Variants in NYAP2 observed in about 807,000 individuals in gnomAD.
NYAP2 encodes neuronal tyrosine-phosphorylated phosphoinositide-3-kinase adaptor 2.
NYAP2 carries 23 observed loss-of-function variants against 50.4 expected under a neutral mutation model. The observed-to-expected ratio is 0.46, with a 90% CI of 0.33 to 0.65. The LOEUF (loss-of-function observed/expected upper bound fraction) is 0.65, where lower values mean the gene tolerates loss of function less well. Ranked by LOEUF, NYAP2 falls within the 30% of genes least tolerant of loss-of-function variation. NYAP2 has a pLI of 0.02. For missense variants in NYAP2, 885 were observed against 861.0 expected (o/e 1.03, Z -0.35); for synonymous variants, 394 against 365.2 (o/e 1.08, Z -0.90).
intron 3 of NYAP2, among the ~76,000 whole-genome samples, chr2:225,410,140 A>T (rs1459399151): frequency 6.6e-6 from 1 of 152,136 alleles, no homozygotes; most frequent in Non-Finnish European, 1.5e-5. Flanking sequence ...TTAATTAAAA[A>T]TAACTTTATG....
At chr2:225,466,815 C>T (rs532120586) in intron 3 of NYAP2, among the ~76,000 whole-genome samples, 71 of 152,270 alleles carry the variant, frequency 4.7e-4, no homozygotes, top group Middle Eastern at 6.8e-3. Flanking sequence ...CCATACAGGC[C>T]TGCGGCAACC....
chr2:225,479,036 T>A (rs928979124), intron 3 of NYAP2, among the ~76,000 whole-genome samples: 1 of 152,174 alleles, frequency 6.6e-6, no homozygotes, highest in East Asian at 1.9e-4. Context: ...GTTTTAAAAT[T>A]GTACTAGCAG....
chr2:225,552,124 T>C (rs1305357085), intron 4 of NYAP2, among the ~76,000 whole-genome samples: 10 of 152,154 alleles, frequency 6.6e-5, no homozygotes, highest in East Asian at 1.9e-4. Context: ...TTCTTTCTTT[T>C]TGATTCATTG....
chr2:225,597,512 A>AAT, intron 5 of NYAP2, among the ~76,000 whole-genome samples: 1,441 of 46,222 alleles, frequency 0.031, 360 homozygotes, highest in African/African-American at 0.051. Context: ...TCCAAGGAGA[A>AAT]ATATATATAT....
the NYAP2 span, chr2:225,699,077 G>A: frequency 6.6e-6 from 1 of 151,872 alleles, no homozygotes; most frequent in East Asian, 1.9e-4. Context: ...TGCTTTTTAA[G>A]TTTCAAGGGT....
chr2:225,407,772 G>A (rs1416699599), intron 2 of NYAP2, among the ~76,000 whole-genome samples: 2 of 151,930 alleles, frequency 1.3e-5, no homozygotes, highest in Middle Eastern at 6.8e-3. Context: ...TTTGCTTTTG[G>A]TTTTTTAATC....
chr2:225,665,807 TAAAAAAAAAAAAAAAA>T, the NYAP2 span, among the ~76,000 whole-genome samples: 37 of 21,000 alleles, frequency 1.8e-3, no homozygotes, highest in Admixed American at 0.027. Flanking sequence ...AGCCTCCGTC[TAAAAAAAAAAAAAAAA>T]AAAAAAAAAA....
chr2:225,471,900 C>G (rs1165141792), intron 3 of NYAP2, among the ~76,000 whole-genome samples: 7 of 152,270 alleles, frequency 4.6e-5, no homozygotes, highest in African/African-American at 1.2e-4. Context: ...TATCAGACAT[C>G]ACAAAGCTAC....
chr2:225,430,752 C>T (rs1695355470), intron 3 of NYAP2, among the ~76,000 whole-genome samples: 2 of 151,814 alleles, frequency 1.3e-5, no homozygotes, highest in Admixed American at 1.3e-4. Flanking sequence ...AAGAAAAATA[C>T]AGACATAAAT....
intron 6 of NYAP2, among the ~76,000 whole-genome samples, chr2:225,631,730 C>G (rs1022971646): frequency 6.6e-6 from 1 of 152,172 alleles, no homozygotes; most frequent in Non-Finnish European, 1.5e-5. Context: ...GGTGCCAGTT[C>G]TGAACTAGAA....
intron 3 of NYAP2, among the ~76,000 whole-genome samples, chr2:225,469,577 A>G (rs1206622016): frequency 6.6e-6 from 1 of 152,190 alleles, no homozygotes; most frequent in Non-Finnish European, 1.5e-5. Context: ...ACTATTCACA[A>G]TAGCAAAGAT....
chr2:225,576,061 A>G (rs538790081), intron 4 of NYAP2, among the ~76,000 whole-genome samples: 1 of 152,384 alleles, frequency 6.6e-6, no homozygotes, highest in East Asian at 1.9e-4. Flanking sequence ...CCCTTGTTGT[A>G]TATATAGCAA....
intron 3 of NYAP2, among the ~76,000 whole-genome samples, chr2:225,426,181 T>C (rs1482470245): frequency 6.6e-6 from 1 of 151,910 alleles, no homozygotes; most frequent in Non-Finnish European, 1.5e-5. Context: ...TTCACCTCAA[T>C]CTATAATATA....
intron 6 of NYAP2, among the ~76,000 whole-genome samples, chr2:225,646,808 G>T (rs971722259): frequency 6.6e-5 from 10 of 152,154 alleles, no homozygotes; most frequent in Admixed American, 2.0e-4. Context: ...GGTGGTTAGT[G>T]ATTTATATTG....
At chr2:225,541,325 T>A (rs1691467821) in intron 4 of NYAP2, among the ~76,000 whole-genome samples, 1 of 152,204 alleles carries the variant, frequency 6.6e-6, no homozygotes, top group Admixed American at 6.5e-5. Flanking sequence ...TTTGCTTTAG[T>A]TGCCTGTGCT....
At chr2:225,604,281 A>G (rs1692747096) in intron 5 of NYAP2, among the ~76,000 whole-genome samples, 1 of 152,188 alleles carries the variant, frequency 6.6e-6, no homozygotes. Flanking sequence ...AAAATTCCCA[A>G]AAGAAGAAGT....
chr2:225,555,304 C>T (rs1691758174), intron 4 of NYAP2, among the ~76,000 whole-genome samples: 1 of 152,044 alleles, frequency 6.6e-6, no homozygotes, highest in Non-Finnish European at 1.5e-5. Flanking sequence ...TGGGTTTTTG[C>T]TTTATTTCAT....
At chr2:225,616,784 A>G (rs1480646691) in intron 5 of NYAP2, among the ~76,000 whole-genome samples, 1 of 152,126 alleles carries the variant, frequency 6.6e-6, no homozygotes, top group East Asian at 1.9e-4. Context: ...GAACTGTTCC[A>G]AGTGGTGATT....
chr2:225,651,721 T>A, exon 7 of NYAP2: 3 of 772,162 alleles, frequency 3.9e-6, no homozygotes, highest in Non-Finnish European at 6.2e-6. Flanking sequence ...AAAAAGAATA[T>A]CTTTCTTCCT....
Sources: gnomAD v4.1 joint callset for allele counts (sites outside exome capture counted in the v4.1 genomes callset) on GRCh38, gnomAD v4.1.1 for gene constraint, MANE v1.5 for transcripts, NCBI Gene and HGNC (gene_info 2026-07-23, HGNC 2026-07-21) for gene names.